DDX10: variants seen among roughly 807,000 people sequenced by gnomAD.
The protein encoded by DDX10 is probable ATP-dependent RNA helicase DDX10.
DDX10 carries 74 observed loss-of-function variants against 104.3 expected under a neutral mutation model. That is an observed-to-expected ratio of 0.71 (90% confidence interval 0.59 to 0.86). The LOEUF (loss-of-function observed/expected upper bound fraction) is 0.86. DDX10 is among the 40% of genes least tolerant of loss of function. The pLI, the probability that DDX10 is intolerant of heterozygous loss-of-function variation, is 0.00. For missense variants in DDX10, 952 were observed against 1,040.0 expected (o/e 0.92, Z 1.16); for synonymous variants, 351 against 353.4 (o/e 0.99, Z 0.08).
At chr11:108,904,040 A>G (rs1863555424) in intron 16 of DDX10, among the ~76,000 whole-genome samples, 1 of 152,090 alleles carries the variant, frequency 6.6e-6, no homozygotes, top group African/African-American at 2.4e-5. Flanking sequence ...TCCTTGTTTT[A>G]TTCCACTGTC....
chr11:108,797,598 G>C (rs1042338255), intron 13 of DDX10, among the ~76,000 whole-genome samples: 1 of 152,186 alleles, frequency 6.6e-6, no homozygotes, highest in Non-Finnish European at 1.5e-5. Flanking sequence ...CATATGACCA[G>C]AGTTATAATT....
intron 16 of DDX10, among the ~76,000 whole-genome samples, chr11:108,870,906 G>A (rs2134622961): frequency 6.6e-6 from 1 of 152,308 alleles, no homozygotes; most frequent in South Asian, 2.1e-4. Context: ...CTTTAATACA[G>A]TTTCTTGTTT....
chr11:108,706,675 C>T (rs998672470), intron 9 of DDX10, 64 bp from the exon 10 acceptor site: 7 of 1,273,542 alleles, frequency 5.5e-6, no homozygotes, highest in African/African-American at 2.9e-5. Context: ...CTATGCATCA[C>T]TCTGTTAAAA....
At chr11:108,936,948 A>T (rs1864044159) in intron 17 of DDX10, among the ~76,000 whole-genome samples, 1 of 152,254 alleles carries the variant, frequency 6.6e-6, no homozygotes, top group Non-Finnish European at 1.5e-5. Flanking sequence ...GTTAAGATGC[A>T]TACAGTTGGA....
chr11:108,748,818 C>A (rs957470668), intron 13 of DDX10, among the ~76,000 whole-genome samples: 1 of 152,052 alleles, frequency 6.6e-6, no homozygotes, highest in African/African-American at 2.4e-5. Context: ...GCAGCTGGGA[C>A]TATAGGTACA....
At chr11:108,933,085 GT>G (rs1863993648) in intron 17 of DDX10, among the ~76,000 whole-genome samples, 1 of 151,966 alleles carries the variant, frequency 6.6e-6, no homozygotes, top group South Asian at 2.1e-4. Context: ...CTGCAATGGG[GT>G]TTTTTAGTAG....
chr11:108,717,362 T>G (rs895618700), intron 11 of DDX10, among the ~76,000 whole-genome samples: 2 of 152,204 alleles, frequency 1.3e-5, no homozygotes, highest in Non-Finnish European at 2.9e-5. Context: ...CAGGCTGGAG[T>G]GCAATGGCGT....
intron 13 of DDX10, among the ~76,000 whole-genome samples, chr11:108,833,361 T>C (rs1473529328): frequency 6.6e-6 from 1 of 152,254 alleles, no homozygotes; most frequent in Non-Finnish European, 1.5e-5. Context: ...AGTTGGGCTC[T>C]GTGAAGGCTG....
intron 16 of DDX10, among the ~76,000 whole-genome samples, chr11:108,883,820 G>A (rs1294205125): frequency 2.0e-5 from 3 of 152,118 alleles, no homozygotes; most frequent in Non-Finnish European, 2.9e-5. Context: ...ACAGTTGTCT[G>A]TTCTCTCCTT....
chr11:108,671,927 G>A (rs989442528), intron 1 of DDX10, among the ~76,000 whole-genome samples: 1 of 151,974 alleles, frequency 6.6e-6, no homozygotes, highest in African/African-American at 2.4e-5. Context: ...TGGGCGTGGT[G>A]GTGGGCGCCT....
At chr11:108,801,478 T>C (rs1429140703) in intron 13 of DDX10, among the ~76,000 whole-genome samples, 1 of 152,200 alleles carries the variant, frequency 6.6e-6, no homozygotes, top group African/African-American at 2.4e-5. Context: ...AAGAAAAGTC[T>C]GCAAGATGAG....
At chr11:108,716,099 CTTAT>C (rs2094290951) in intron 11 of DDX10, 133 bp downstream of exon 11, 2 of 648,994 alleles carry the variant, frequency 3.1e-6, no homozygotes, top group Non-Finnish European at 5.5e-6. Flanking sequence ...ATAAGTCTAG[CTTAT>C]TTTTTTTTTT....
rs556002128 is a variant in DDX10, at chr11:108,882,662, A to G, written c.2304+30453A>G. Among the ~76,000 whole-genome samples the G allele has an allele frequency of 3.9e-5, 6 of 152,264 alleles. No individual in the cohort carries two copies. In the South Asian group the frequency reaches 1.2e-3, roughly 32 times the overall value. On this transcript the variant is annotated intron_variant, in intron 16 of 17. Coordinates refer to ENST00000322536, the MANE Select transcript of DDX10 (RefSeq NM_004398.4). Reference sequence around the variant, plus strand: ...TGTAAATAGAGAGTCAAATTTATTTATTTTCATTGATGGATGGGAAGTGAG... The same window carrying G: ...TGTAAATAGAGAGTCAAATTTATTTGTTTTCATTGATGGATGGGAAGTGAG...
intron 16 of DDX10, among the ~76,000 whole-genome samples, chr11:108,911,034 T>C (rs1204089796): frequency 2.6e-5 from 4 of 152,142 alleles, no homozygotes; most frequent in African/African-American, 7.2e-5. Context: ...TGTTAGACAT[T>C]TAGCAGGGCT....
At chr11:108,787,419 A>T (rs1861809525) in intron 13 of DDX10, among the ~76,000 whole-genome samples, 1 of 152,034 alleles carries the variant, frequency 6.6e-6, no homozygotes, top group East Asian at 1.9e-4. Context: ...TTCGTAGAGT[A>T]TATTCTCAAA....
At chr11:108,929,979 A>C (rs1316122972) in intron 17 of DDX10, among the ~76,000 whole-genome samples, 2 of 152,200 alleles carry the variant, frequency 1.3e-5, no homozygotes, top group Non-Finnish European at 2.9e-5. Context: ...TAAATTTGTT[A>C]CAATTGATGA....
chr11:108,683,152 C>T (rs2094237931), intron 6 of DDX10, among the ~76,000 whole-genome samples: 1 of 152,148 alleles, frequency 6.6e-6, no homozygotes. Flanking sequence ...GAGGTATCTA[C>T]CAGGGCCCCT....
At chr11:108,837,877 C>T (rs1371454935) in intron 13 of DDX10, among the ~76,000 whole-genome samples, 1 of 151,992 alleles carries the variant, frequency 6.6e-6, no homozygotes, top group Non-Finnish European at 1.5e-5. Context: ...CCTGCCTTGG[C>T]CTACCAAAGT....
At chr11:108,698,251 A>C (rs1480442502) in intron 9 of DDX10, among the ~76,000 whole-genome samples, 1 of 152,244 alleles carries the variant, frequency 6.6e-6, no homozygotes, top group East Asian at 1.9e-4. Context: ...TGGTTTGTGA[A>C]TTGAAATAAT....
Sources: gnomAD v4.1 joint callset for allele counts (sites outside exome capture counted in the v4.1 genomes callset) on GRCh38, gnomAD v4.1.1 for gene constraint, MANE v1.5 for transcripts, NCBI Gene and HGNC (gene_info 2026-07-23, HGNC 2026-07-21) for gene names.